Variants in NRXN1 observed in about 807,000 individuals in gnomAD.
NRXN1 encodes neurexin 1, also known as neurexin-1.
Under a neutral mutation model 150.9 loss-of-function variants are expected in NRXN1, and 39 were observed. That is an observed-to-expected ratio of 0.26 (90% confidence interval 0.20 to 0.34). The LOEUF is 0.34. NRXN1 is among the 10% of genes least tolerant of loss of function. NRXN1 has a pLI of 1.00. For missense variants in NRXN1, 1,815 were observed against 1,949.9 expected (o/e 0.93, Z 1.30); for synonymous variants, 924 against 757.0 (o/e 1.22, Z -3.62).
chr2:50,149,180 T>C (rs1265789675), intron 18 of NRXN1, among the ~76,000 whole-genome samples: 1 of 151,788 alleles, frequency 6.6e-6, no homozygotes, highest in Non-Finnish European at 1.5e-5. Flanking sequence ...GAAACATCGA[T>C]GCCATGAACA....
At chr2:50,619,226 T>C (rs1679546411) in intron 8 of NRXN1, 2 of 152,168 alleles carry the variant, frequency 1.3e-5, no homozygotes, top group African/African-American at 4.8e-5. Flanking sequence ...CACCATTAAA[T>C]TGTAGGCATA....
intron 5 of NRXN1, among the ~76,000 whole-genome samples, chr2:50,882,327 C>A (rs761304364): frequency 1.3e-5 from 2 of 151,818 alleles, no homozygotes; most frequent in African/African-American, 2.4e-5. Flanking sequence ...TGGTTTAATT[C>A]AAAAAGTATA....
At chr2:50,674,590 T>G (rs971544340) in intron 5 of NRXN1, among the ~76,000 whole-genome samples, 1 of 152,110 alleles carries the variant, frequency 6.6e-6, no homozygotes, top group African/African-American at 2.4e-5. Flanking sequence ...GAAAATGGTA[T>G]GTCTAAAACA....
At position 50,347,722 on chromosome 2, in the gene NRXN1, G is replaced by C. The variant is rs2078140900; in HGVS notation, c.3365-110752C>G. On this transcript the variant is annotated intron_variant, in intron 17 of 22. Transcript: ENST00000401669. The surrounding 1 kb of genome is among the most constrained non-coding windows in gnomAD (Gnocchi z 4.9). ...AAGATGCAGACGAAGGAGTAAGGGA[G>C]AGAAACAGAAAAAGAAAAAGAAAAA... The C allele has an allele frequency of 2.0e-6, 2 of 986,512 alleles. No homozygotes were observed. Among genetic ancestry groups the C allele is most frequent in the Admixed American group, 1.2e-4 (2 of 16,336 alleles). The allele number at this position is 986,512 out of a possible 1,614,324, so 61.1% of individuals were successfully genotyped here. A position where few individuals can be genotyped will look rare whatever the true frequency, so the allele number is the denominator to read the frequency against.
intron 5 of NRXN1, among the ~76,000 whole-genome samples, chr2:50,914,846 T>A (rs1002595701): frequency 6.6e-6 from 1 of 151,622 alleles, no homozygotes; most frequent in African/African-American, 2.4e-5. Flanking sequence ...AACCAACCAG[T>A]TGATCATTAA....
chr2:50,918,391 C>A (rs1180661741), intron 5 of NRXN1: 1 of 303,464 alleles, frequency 3.3e-6, no homozygotes, highest in East Asian at 4.5e-5. Flanking sequence ...AGCTTTCTGC[C>A]CTCATAGAGC....
chr2:50,669,669 T>G (rs1370870252), intron 5 of NRXN1, among the ~76,000 whole-genome samples: 1 of 151,774 alleles, frequency 6.6e-6, no homozygotes, highest in Non-Finnish European at 1.5e-5. Context: ...CATCCATCAT[T>G]AAATTTGTCA....
intron 21 of NRXN1, chr2:50,019,202 C>A (rs1322744683): frequency 2.1e-6 from 1 of 471,162 alleles, no homozygotes; most frequent in East Asian, 6.9e-5. Flanking sequence ...CAGCCCTAGC[C>A]GTCCTTCTAG....
At position 50,472,755 on chromosome 2, in the gene NRXN1, C is replaced by T. The variant is rs2075232; in HGVS notation, c.3071-284G>A. Among the ~76,000 whole-genome samples the T allele has an allele frequency of 0.2, 29,302 of 150,088 alleles. 3,860 individuals carry two copies. Among genetic ancestry groups the T allele is most frequent in the East Asian group, 0.4 (2,005 of 5,074 alleles). The stretch of plus-strand genomic sequence containing the variant: ...CTAGCTATAGAGATGCATACCCTTG[C>T]GTGGAAATCCAGGCCTGGTTATTTG... On this transcript the variant is annotated intron_variant, in intron 15 of 22. Transcript: ENST00000401669.
rs2072919549 is a variant in NRXN1 at position 50,291,489 on chromosome 2, G to C, written c.3365-54519C>G. 2.0e-5 allele frequency among the ~76,000 whole-genome samples: 3 copies of C among 152,070 alleles called. No individual in the cohort carries two copies. In the South Asian group the frequency reaches 6.2e-4, roughly 32 times the overall value. On this transcript the variant is annotated intron_variant, in intron 17 of 22. Coordinates refer to ENST00000401669, the MANE Select transcript of NRXN1 (RefSeq NM_001330078.2). ...TCAAGGTGGCCAGATGTTCAGCAGT[G>C]CATTTGCAACCCATGAACCCAGCTC...
intron 18 of NRXN1, among the ~76,000 whole-genome samples, chr2:50,181,273 CAAAT>C (rs1203290982): frequency 3.3e-5 from 5 of 151,274 alleles, no homozygotes; most frequent in Non-Finnish European, 7.4e-5. Flanking sequence ...AATTAATTGA[CAAAT>C]AAAATATTGA....
chr2:50,936,457 T>C (rs1688558754), intron 2 of NRXN1, among the ~76,000 whole-genome samples: 1 of 152,178 alleles, frequency 6.6e-6, no homozygotes, highest in African/African-American at 2.4e-5. Flanking sequence ...CTGACAGTAT[T>C]GCAATAACTA....
intron 18 of NRXN1, among the ~76,000 whole-genome samples, chr2:50,106,063 C>A (rs1199415540): frequency 6.6e-6 from 1 of 151,504 alleles, no homozygotes; most frequent in East Asian, 1.9e-4. Context: ...ACCATTTAAC[C>A]CCTCTCTTAA....
intron 5 of NRXN1, among the ~76,000 whole-genome samples, chr2:50,792,765 G>T (rs1706235551): frequency 6.6e-6 from 1 of 151,940 alleles, no homozygotes; most frequent in Admixed American, 6.6e-5. Context: ...CCCATTTAAT[G>T]AACATGTTAG....
chr2:50,728,761 T>C (rs1697715685), intron 5 of NRXN1, among the ~76,000 whole-genome samples: 1 of 152,200 alleles, frequency 6.6e-6, no homozygotes. Flanking sequence ...ACTTTAGTTC[T>C]GACTCCAATA....
intron 5 of NRXN1, among the ~76,000 whole-genome samples, chr2:50,729,650 G>T (rs1297480396): frequency 1.3e-5 from 2 of 152,146 alleles, no homozygotes; most frequent in African/African-American, 4.8e-5. Context: ...CTGTCTTCAG[G>T]CCTTTCTTTT....
intron 8 of NRXN1, among the ~76,000 whole-genome samples, chr2:50,609,151 T>C (rs1677615762): frequency 2.6e-5 from 4 of 152,138 alleles, no homozygotes; most frequent in Non-Finnish European, 5.9e-5. Context: ...GTTAATTCAA[T>C]TTTCTCACAA....
chr2:50,664,347 C>T (rs112383879), intron 5 of NRXN1, among the ~76,000 whole-genome samples: 9 of 149,270 alleles, frequency 6.0e-5, no homozygotes, highest in African/African-American at 2.2e-4. Context: ...AAATATTTAT[C>T]CCAAATCTCT....
At chr2:50,829,999 G>GAAAAAAAAAAAAAAAAAAAAAAAA (rs572758147) in intron 5 of NRXN1, among the ~76,000 whole-genome samples, 2 of 58,204 alleles carry the variant, frequency 3.4e-5, no homozygotes, top group African/African-American at 1.1e-4. Context: ...CTGCCTGCTG[G>GAAAAAAAAAAAAAAAAAAAAAAAA]AAAAAAAAAA....
Sources: gnomAD v4.1 joint callset for allele counts (sites outside exome capture counted in the v4.1 genomes callset) on GRCh38, gnomAD v4.1.1 for gene constraint, Gnocchi (gnomAD v3.1) non-coding constraint, MANE v1.5 for transcripts, NCBI Gene and HGNC (gene_info 2026-07-23, HGNC 2026-07-21) for gene names.